HCN1: variants seen among roughly 807,000 people sequenced by gnomAD.
HCN1 encodes the protein hyperpolarization activated cyclic nucleotide gated potassium channel 1, also known as potassium/sodium hyperpolarization-activated cyclic nucleotide-gated channel 1.
In HCN1, 13 loss-of-function variants were observed where a neutral mutation model predicts 78.9. The observed-to-expected ratio is 0.16, with a 90% confidence interval of 0.11 to 0.26. The LOEUF (loss-of-function observed/expected upper bound fraction) is 0.26. HCN1 is among the 10% of genes least tolerant of loss of function. The probability of loss-of-function intolerance (pLI) is 1.00; values close to 1 mark genes in which losing one functional copy is unlikely to be tolerated. For synonymous variants in HCN1, 552 were observed against 455.5 expected (o/e 1.21, Z -2.70); for missense variants, 810 against 1,154.3 (o/e 0.70, Z 4.32).
intron 2 of HCN1, among the ~76,000 whole-genome samples, chr5:45,529,853 A>G (rs903544057): frequency 1.3e-5 from 2 of 152,106 alleles, no homozygotes; most frequent in African/African-American, 4.8e-5. Context: ...AACTGGGTTT[A>G]TCTTTAATAT....
At chr5:45,564,654 G>A (rs1420107450) in intron 2 of HCN1, among the ~76,000 whole-genome samples, 2 of 152,076 alleles carry the variant, frequency 1.3e-5, no homozygotes, top group East Asian at 1.9e-4. Flanking sequence ...CATTTTATAA[G>A]AGCAAATACT....
chr5:45,255,054 T>A lies in HCN1; in HGVS notation c.*6867A>T, dbSNP rs1255019143. ...TGTACTGATGTGATATTAAGAAACA[T>A]TGCTAGCTATGGCACCAAAATTTAT... On this transcript the variant is annotated 3_prime_UTR_variant, in exon 8 of 8. Coordinates refer to ENST00000303230, the MANE Select transcript of HCN1 (RefSeq NM_021072.4). The A allele has an allele frequency of 6.6e-6, 1 of 152,196 alleles. No homozygotes were observed. The allele number at this position is 152,196 out of a possible 1,614,324, so 9.4% of individuals were successfully genotyped here. A position where few individuals can be genotyped will look rare whatever the true frequency, so the allele number is the denominator to read the frequency against.
intron 2 of HCN1, chr5:45,617,393 A>G (rs1308612293): frequency 6.6e-6 from 1 of 152,120 alleles, no homozygotes; most frequent in East Asian, 1.9e-4. Context: ...CCAGGACTCA[A>G]GTTCCTTCCA....
chr5:45,647,225 A>G (rs1161274247), intron 1 of HCN1, among the ~76,000 whole-genome samples: 1 of 152,162 alleles, frequency 6.6e-6, no homozygotes, highest in Non-Finnish European at 1.5e-5. Context: ...GCCATACAAC[A>G]TGTACTGGCA....
intron 1 of HCN1, among the ~76,000 whole-genome samples, chr5:45,657,891 T>A (rs1745806691): frequency 6.6e-6 from 1 of 152,162 alleles, no homozygotes; most frequent in Non-Finnish European, 1.5e-5. Context: ...AAAAAACTAC[T>A]TTAAAGTTCA....
chr5:45,320,646 C>A (rs576292150), intron 5 of HCN1, among the ~76,000 whole-genome samples: 2 of 151,700 alleles, frequency 1.3e-5, no homozygotes, highest in Non-Finnish European at 2.9e-5. Context: ...TTCTGAGAAG[C>A]CACCTTAACC....
intron 1 of HCN1, among the ~76,000 whole-genome samples, chr5:45,666,004 C>T (rs1441718705): frequency 1.3e-5 from 2 of 152,056 alleles, no homozygotes; most frequent in African/African-American, 2.4e-5. Flanking sequence ...ACTTGTAATA[C>T]TCTCCCCCCA....
intron 1 of HCN1, chr5:45,695,248 A>G: frequency 4.8e-6 from 1 of 208,352 alleles, no homozygotes; most frequent in Non-Finnish European, 9.5e-6. Context: ...TCTGAGCCCC[A>G]GAAGCCTCCT....
intron 2 of HCN1, among the ~76,000 whole-genome samples, chr5:45,543,744 A>C (rs1042254587): frequency 1.3e-5 from 2 of 152,100 alleles, no homozygotes; most frequent in African/African-American, 4.8e-5. Context: ...CTATGTAAAA[A>C]TCTAAACACA....
intron 5 of HCN1, among the ~76,000 whole-genome samples, chr5:45,323,301 C>A (rs550937756): frequency 6.6e-6 from 1 of 151,928 alleles, no homozygotes; most frequent in South Asian, 2.1e-4. Flanking sequence ...GAAATCATAA[C>A]ATTTTGGATA....
intron 3 of HCN1, 40 bp from the exon 4 acceptor site, chr5:45,396,750 G>C (rs554375473): frequency 1.3e-5 from 19 of 1,497,670 alleles, no homozygotes; most frequent in Admixed American, 1.7e-5. Context: ...TGAGCCATTA[G>C]GATGGCAGAA....
At chr5:45,582,050 C>A (rs1744088444) in intron 2 of HCN1, among the ~76,000 whole-genome samples, 1 of 152,100 alleles carries the variant, frequency 6.6e-6, no homozygotes, top group African/African-American at 2.4e-5. Flanking sequence ...TTTTCCAATT[C>A]TGTGAAGAAA....
At position 45,559,939 on chromosome 5, in the gene HCN1, G is replaced by A. The variant is rs550789005; in HGVS notation, c.849+85246C>T. The A allele has an allele frequency of 2.6e-5, 4 of 152,270 alleles. No individual in the cohort carries two copies. The South Asian group carries it at 8.3e-4, about 32-fold the overall frequency. 9.4% of individuals were successfully genotyped at this position (152,270 alleles called of 1,614,324 possible). ...CGGTAAACACTGCCCTGATAAGCCA[G>A]TTGCCATCAATATTGAGGCGGAACT... On this transcript the variant is annotated intron_variant, in intron 2 of 7. Coordinates refer to ENST00000303230, the MANE Select transcript of HCN1 (RefSeq NM_021072.4).
chr5:45,695,859 C>T lies in HCN1; in HGVS notation c.235G>A (p.Gly79Arg). Residue 79 changes from glycine to arginine, a missense_variant, in exon 1 of 8, where the codon GGG (glycine) becomes AGG (arginine). Physicochemically the swap from Gly to Arg is moderately radical, Grantham distance 125. Around this residue, in one of 6 missense-constraint regions of HCN1, gnomAD observed 170 missense variants for 166.8 expected, o/e 1.02. Coordinates refer to ENST00000303230, the MANE Select transcript of HCN1 (RefSeq NM_021072.4). Reference sequence around the variant, plus strand: ...GGCCCCTCGGCGTCTTCGAAGCCCCCCGCCGGCTCCTCGCCGCCGCCGCCG... The same window carrying T: ...GGCCCCTCGGCGTCTTCGAAGCCCCTCGCCGGCTCCTCGCCGCCGCCGCCG... Reference protein sequence around the residue: ...GGGGGGEEPAGGFEDAEGPRR... With the variant: ...GGGGGGEEPARGFEDAEGPRR... 8.2e-6 allele frequency: 13 copies of T among 1,587,288 alleles called. No homozygotes were observed. Among genetic ancestry groups the T allele is most frequent in the Non-Finnish European group, 1.1e-5 (13 of 1,172,646 alleles).
At chr5:45,378,262 C>A (rs1322838781) in intron 4 of HCN1, among the ~76,000 whole-genome samples, 4 of 152,018 alleles carry the variant, frequency 2.6e-5, no homozygotes, top group Non-Finnish European at 5.9e-5. Flanking sequence ...CCCTACCATT[C>A]AGCATGTTTT....
At chr5:45,523,711 G>C (rs1473883061) in intron 2 of HCN1, among the ~76,000 whole-genome samples, 1 of 151,994 alleles carries the variant, frequency 6.6e-6, no homozygotes, top group African/African-American at 2.4e-5. Context: ...GGGTTTGTTT[G>C]CTTTTTTCTT....
At chr5:45,415,246 T>C (rs949068921) in intron 3 of HCN1, among the ~76,000 whole-genome samples, 6 of 152,052 alleles carry the variant, frequency 3.9e-5, no homozygotes, top group Admixed American at 3.9e-4. Context: ...ATACAAATTT[T>C]AAAACAAATT....
At position 45,256,715 on chromosome 5, in the gene HCN1, T is replaced by C. The variant is rs774062904; in HGVS notation, c.*5206A>G. On this transcript the variant is annotated 3_prime_UTR_variant, in exon 8 of 8. Coordinates refer to ENST00000303230, the MANE Select transcript of HCN1 (RefSeq NM_021072.4). ...TCGGGTTTTCTAAACACTGCAGGTATGTAAGTATATACTGGTCAATTAAAA... is the reference window on the plus strand; with the variant it reads ...TCGGGTTTTCTAAACACTGCAGGTACGTAAGTATATACTGGTCAATTAAAA... 6 of 152,254 alleles carry C rather than the reference T, an allele frequency of 3.9e-5. No homozygotes were observed. The highest frequency in any genetic ancestry group is 8.8e-5 in the Non-Finnish European group (6 of 68,034). The allele number at this position is 152,254 out of a possible 1,614,324, so 9.4% of individuals were successfully genotyped here.
chr5:45,264,874 A>G (rs1160978289), intron 7 of HCN1, among the ~76,000 whole-genome samples: 1 of 152,176 alleles, frequency 6.6e-6, no homozygotes, highest in South Asian at 2.1e-4. Context: ...ATTACGAACC[A>G]TTTCATGTAA....
Sources: gnomAD v4.1 joint callset for allele counts (sites outside exome capture counted in the v4.1 genomes callset) on GRCh38, gnomAD v4.1.1 for gene constraint, gnomAD v4.1.1 regional missense constraint, MANE v1.5 for transcripts, NCBI Gene and HGNC (gene_info 2026-07-23, HGNC 2026-07-21) for gene names.